Variants in DLGAP2 observed in about 807,000 individuals in gnomAD.
The protein encoded by DLGAP2 is DLG associated protein 2.
In DLGAP2, 26 loss-of-function variants were observed where a neutral mutation model predicts 100.3. That is an observed-to-expected ratio of 0.26 (90% CI 0.19 to 0.36). The LOEUF (loss-of-function observed/expected upper bound fraction) is 0.36. Among genes scored for constraint, DLGAP2 ranks in the 10% least tolerant of loss-of-function variants. The pLI is 1.00. For missense variants in DLGAP2, 1,858 were observed against 1,453.2 expected (o/e 1.28, Z -4.53); for synonymous variants, 886 against 630.1 (o/e 1.41, Z -6.08).
At chr8:775,299 GGACAATTT>G (rs1182142917) in intron 1 of DLGAP2, among the ~76,000 whole-genome samples, 3 of 152,056 alleles carry the variant, frequency 2.0e-5, no homozygotes, top group Admixed American at 6.5e-5. Flanking sequence ...CTGCAAAGAG[GGACAATTT>G]GACTTCCTCT....
At chr8:965,999 C>T (rs1356354726) in intron 2 of DLGAP2, among the ~76,000 whole-genome samples, 10 of 152,184 alleles carry the variant, frequency 6.6e-5, no homozygotes, top group East Asian at 3.9e-4. Context: ...GTGTAGAGGA[C>T]GGGGACTCTC....
chr8:1,313,897 C>G (rs1008028811), intron 3 of DLGAP2, among the ~76,000 whole-genome samples: 1 of 152,082 alleles, frequency 6.6e-6, no homozygotes, highest in African/African-American at 2.4e-5. Flanking sequence ...ATCCACCTGA[C>G]CCCCAAGAAC....
At chr8:1,149,986 T>C (rs9693703) in intron 2 of DLGAP2, among the ~76,000 whole-genome samples, 35,926 of 152,138 alleles carry the variant, frequency 0.24, 4,384 homozygotes, top group Middle Eastern at 0.34. Flanking sequence ...TCTGTATGTA[T>C]GTTTAAGGTC....
At chr8:948,797 C>T (rs897904134) in intron 2 of DLGAP2, among the ~76,000 whole-genome samples, 3 of 152,372 alleles carry the variant, frequency 2.0e-5, no homozygotes, top group Non-Finnish European at 2.9e-5. Context: ...CACTGCCTTT[C>T]GCCATGAGTG....
At chr8:1,308,914 A>C (rs550836233) in intron 3 of DLGAP2, among the ~76,000 whole-genome samples, 1 of 152,306 alleles carries the variant, frequency 6.6e-6, no homozygotes, top group Non-Finnish European at 1.5e-5. Flanking sequence ...AAGAGATCCA[A>C]ATTATTTTTT....
chr8:1,463,886 G>C (rs1798531672), intron 3 of DLGAP2, among the ~76,000 whole-genome samples: 1 of 152,222 alleles, frequency 6.6e-6, no homozygotes, highest in Non-Finnish European at 1.5e-5. Flanking sequence ...CTTGTGACCT[G>C]GGCCTTCCAG....
chr8:1,269,279 C>T (rs1262281422), intron 3 of DLGAP2, among the ~76,000 whole-genome samples: 1 of 152,136 alleles, frequency 6.6e-6, no homozygotes, highest in Admixed American at 6.5e-5. Context: ...GAGGAGGAGC[C>T]AGAGGGTGTT....
chr8:1,275,930 G>C lies in DLGAP2; in HGVS notation c.106+17047G>C, dbSNP rs1286623967. On this transcript the variant is annotated intron_variant, in intron 3 of 14. Coordinates refer to ENST00000637795, the MANE Select transcript of DLGAP2 (RefSeq NM_001346810.2). Reference sequence around the variant, plus strand: ...TATAATATATAAATAAATATATATAGTATATAAATATATATAATATATAAA... The same window carrying C: ...TATAATATATAAATAAATATATATACTATATAAATATATATAATATATAAA... 8.3e-5 allele frequency among the ~76,000 whole-genome samples: 4 copies of C among 48,354 alleles called. No homozygotes were observed. In the Admixed American group the frequency reaches 8.8e-4, roughly 11 times the overall value. 31.7% of individuals were successfully genotyped at this position (48,354 alleles called of 152,430 possible). A position where few individuals can be genotyped will look rare whatever the true frequency, so the allele number is the denominator to read the frequency against.
intron 3 of DLGAP2, among the ~76,000 whole-genome samples, chr8:1,456,947 A>T (rs1181444034): frequency 1.3e-5 from 2 of 152,166 alleles, no homozygotes; most frequent in Non-Finnish European, 1.5e-5. Context: ...GTGACAACAC[A>T]TCACAGCACA....
At chr8:1,194,160 C>T (rs537271733) in intron 2 of DLGAP2, among the ~76,000 whole-genome samples, 4 of 152,098 alleles carry the variant, frequency 2.6e-5, no homozygotes, top group Admixed American at 6.5e-5. Flanking sequence ...CCTTGAGGGG[C>T]GGGGGAATTT....
chr8:1,235,353 C>A (rs1222708827), intron 2 of DLGAP2, among the ~76,000 whole-genome samples: 2 of 151,660 alleles, frequency 1.3e-5, no homozygotes, highest in Non-Finnish European at 2.9e-5. Flanking sequence ...AGTTATCTCA[C>A]ACGTGGCGTC....
At chr8:1,633,540 C>G (rs1051789794) in intron 8 of DLGAP2, among the ~76,000 whole-genome samples, 8 of 152,210 alleles carry the variant, frequency 5.3e-5, no homozygotes, top group African/African-American at 1.9e-4. Flanking sequence ...GCTCCGAAGA[C>G]TCAGTCTCGC....
At chr8:1,339,780 C>G (rs959343887) in intron 3 of DLGAP2, among the ~76,000 whole-genome samples, 1 of 152,128 alleles carries the variant, frequency 6.6e-6, no homozygotes, top group Non-Finnish European at 1.5e-5. Flanking sequence ...TCCAGATACT[C>G]CAAATAGCAT....
At chr8:1,482,685 G>A (rs1584944828) in intron 3 of DLGAP2, among the ~76,000 whole-genome samples, 1 of 152,158 alleles carries the variant, frequency 6.6e-6, no homozygotes, top group African/African-American at 2.4e-5. Flanking sequence ...TCCCACGGCC[G>A]CCCCGGCCAG....
intron 3 of DLGAP2, among the ~76,000 whole-genome samples, chr8:1,494,174 A>C (rs1401378397): frequency 6.6e-6 from 1 of 152,192 alleles, no homozygotes; most frequent in African/African-American, 2.4e-5. Flanking sequence ...TGATAATACT[A>C]TTGTTTCCTT....
At chr8:1,406,893 T>A (rs868287943) in intron 3 of DLGAP2, among the ~76,000 whole-genome samples, 16 of 36,462 alleles carry the variant, frequency 4.4e-4, no homozygotes, top group African/African-American at 6.4e-4. Context: ...GTGTATTGAG[T>A]GCTTACTGAG....
At chr8:1,377,263 G>A (rs947527994) in intron 3 of DLGAP2, among the ~76,000 whole-genome samples, 8 of 152,288 alleles carry the variant, frequency 5.3e-5, no homozygotes, top group East Asian at 3.9e-4. Flanking sequence ...ACAGGTCTTC[G>A]GCCGAGCGCA....
In DLGAP2 at chr8:1,224,123, A is replaced by G. The variant is rs563521699; in HGVS notation, c.74-34728A>G. 7.9e-5 allele frequency among the ~76,000 whole-genome samples: 12 copies of G among 152,334 alleles called. No individual in the cohort carries two copies. The South Asian group carries it at 2.5e-3, about 32-fold the overall frequency. On this transcript the variant is annotated intron_variant, in intron 2 of 14. Coordinates refer to ENST00000637795, the MANE Select transcript of DLGAP2 (RefSeq NM_001346810.2). ...AGAATTTAAACCACATGGATGATTA[A>G]GATAGGTTTTCTCCTCTCAAAGGAG... is the stretch of plus-strand genomic sequence containing the variant.
chr8:1,364,569 A>T lies in DLGAP2; in HGVS notation c.106+105686A>T, dbSNP rs987048000. ...TGGGGCTGGCGGGAAGCGTCTCTCA[A>T]CTCCATTCCCTCATCTTCGCAGCAG... On this transcript the variant is annotated intron_variant, in intron 3 of 14. Coordinates refer to ENST00000637795, the MANE Select transcript of DLGAP2 (RefSeq NM_001346810.2). 4.0e-5 allele frequency among the ~76,000 whole-genome samples: 6 copies of T among 151,840 alleles called. No individual in the cohort carries two copies. In the South Asian group the frequency reaches 1.3e-3, roughly 32 times the overall value.
Sources: allele counts gnomAD v4.1 joint callset (sites outside exome capture counted in the v4.1 genomes callset), GRCh38; gene constraint gnomAD v4.1.1; transcripts MANE v1.5; gene names NCBI Gene and HGNC (gene_info 2026-07-23, HGNC 2026-07-21).